The following UBLCP1 variants were observed in gnomAD, a reference collection of about 807,000 sequenced individuals.
The protein encoded by UBLCP1 is ubiquitin like domain containing CTD phosphatase 1.
UBLCP1 carries 28 observed loss-of-function variants against 42.4 expected under a neutral mutation model. That is an observed-to-expected ratio of 0.66 (90% confidence interval 0.49 to 0.90). The LOEUF (loss-of-function observed/expected upper bound fraction) is 0.90. Among genes scored for constraint, UBLCP1 ranks in the 40% least tolerant of loss-of-function variants. The pLI is 0.00. For synonymous variants in UBLCP1, 122 were observed against 120.8 expected (o/e 1.01, Z -0.07); for missense variants, 279 against 374.5 (o/e 0.75, Z 2.10).
intron 7 of UBLCP1, 90 bp downstream of exon 7, chr5:159,274,712 C>A: frequency 8.7e-7 from 1 of 1,154,520 alleles, no homozygotes; most frequent in Non-Finnish European, 1.3e-6. Flanking sequence ...TTTATTCTTA[C>A]TGGAGGGCAC....
intron 8 of UBLCP1, 136 bp from the exon 9 acceptor site, chr5:159,278,102 G>A (rs1471910645): frequency 1.7e-6 from 1 of 604,094 alleles, no homozygotes. Context: ...TGCATTTAAT[G>A]ATTAGCTCAC....
chr5:159,266,462 A>G (rs1753392783), intron 1 of UBLCP1, among the ~76,000 whole-genome samples: 1 of 152,268 alleles, frequency 6.6e-6, no homozygotes, highest in African/African-American at 2.4e-5. Flanking sequence ...TAAGGGAAGC[A>G]GAGCATAGAA....
chr5:159,283,046 A>G (rs934178031), intron 9 of UBLCP1, among the ~76,000 whole-genome samples, 166 bp from the exon 10 acceptor site: 1 of 152,084 alleles, frequency 6.6e-6, no homozygotes, highest in Non-Finnish European at 1.5e-5. Flanking sequence ...TGTAATTTGT[A>G]AACATTATAC....
At chr5:159,267,325 T>C (rs2113309656) in intron 1 of UBLCP1, among the ~76,000 whole-genome samples, 1 of 152,302 alleles carries the variant, frequency 6.6e-6, no homozygotes, top group African/African-American at 2.4e-5. Flanking sequence ...CGGACTTGCA[T>C]GGGCCCTGTA....
In UBLCP1 at chr5:159,268,897, TTCC is replaced by T. The variant is rs754153771; in HGVS notation, c.-16_-14del. 6.3e-7 allele frequency: 1 copy of T among 1,598,438 alleles called. No individual in the cohort carries two copies. Among genetic ancestry groups the T allele is most frequent in the Non-Finnish European group, 8.5e-7 (1 of 1,175,564 alleles). ...ATTTTTTTTTCTGAAGGAAAGCTGC[TTCC>T]TCATATGTTTCAAGAATGGCTCTCC... is the stretch of plus-strand genomic sequence containing the variant. On this transcript the variant is annotated 5_prime_UTR_variant, in exon 2 of 11. Coordinates refer to ENST00000296786, the MANE Select transcript of UBLCP1 (RefSeq NM_145049.5).
intron 8 of UBLCP1, among the ~76,000 whole-genome samples, chr5:159,275,572 G>A (rs1329385530): frequency 1.3e-5 from 2 of 151,802 alleles, no homozygotes; most frequent in Non-Finnish European, 1.5e-5. Flanking sequence ...CACCACGCCC[G>A]GCTAATTTTT....
rs754822044 is a variant in UBLCP1 at position 159,278,328 on chromosome 5, C to T, written c.775C>T (p.Leu259=). ...GTTTGATGACATAGGGAGAAATTTT[C>T]TAATGAACCCACAGAATGGACTAAA... ...IMFDDIGRNF[L]MNPQNGLKIR... The change falls in exon 9 of 11, where the codon CTA becomes TTA. Residue 259 remains leucine, a synonymous_variant. Coordinates refer to ENST00000296786, the MANE Select transcript of UBLCP1 (RefSeq NM_145049.5). The T allele has an allele frequency of 1.2e-6, 2 of 1,612,994 alleles. No individual in the cohort carries two copies. Among genetic ancestry groups the T allele is most frequent in the Admixed American group, 3.3e-5 (2 of 60,000 alleles).
intron 1 of UBLCP1, among the ~76,000 whole-genome samples, chr5:159,267,962 C>G (rs1219588328): frequency 6.6e-5 from 10 of 152,190 alleles, no homozygotes. Flanking sequence ...ATACACTGAT[C>G]TTTGATGCCT....
intron 4 of UBLCP1, 23 bp from the exon 5 acceptor site, chr5:159,270,505 T>C: frequency 6.2e-7 from 1 of 1,605,944 alleles, no homozygotes; most frequent in South Asian, 1.1e-5. Context: ...GAATATTTTA[T>C]CTAATTATAT....
At chr5:159,266,034 T>TAG (rs1288895517) in intron 1 of UBLCP1, among the ~76,000 whole-genome samples, 1 of 152,152 alleles carries the variant, frequency 6.6e-6, no homozygotes, top group African/African-American at 2.4e-5. Context: ...AAATTGGTAC[T>TAG]AGTAGAGTGG....
At chr5:159,271,968 A>G in intron 5 of UBLCP1, 55 bp from the exon 6 acceptor site, 1 of 1,188,046 alleles carries the variant, frequency 8.4e-7, no homozygotes, top group Non-Finnish European at 1.3e-6. Flanking sequence ...AATTGGTATT[A>G]GGTACTTGTT....
chr5:159,263,773 G>C (rs1753333733), intron 1 of UBLCP1, among the ~76,000 whole-genome samples: 3 of 152,210 alleles, frequency 2.0e-5, no homozygotes, highest in Admixed American at 2.0e-4. Context: ...CTGGTGTGCG[G>C]TTCTCGCCGG....
At chr5:159,281,702 G>A (rs1176297027) in intron 9 of UBLCP1, among the ~76,000 whole-genome samples, 1 of 151,860 alleles carries the variant, frequency 6.6e-6, no homozygotes. Flanking sequence ...AATGACAGAA[G>A]AAAAGTATGT....
chr5:159,270,609 G>A lies in UBLCP1; in HGVS notation c.414G>A (p.Lys138=). 1.2e-6 allele frequency: 2 copies of A among 1,608,912 alleles called. No individual in the cohort carries two copies. The highest frequency in any genetic ancestry group is 1.7e-6 in the Non-Finnish European group (2 of 1,178,464). ...EILNPPREGK[K]LLVLDVDYTL... ...TGAATCCTCCCAGGGAAGGGAAAAA[G>A]CTTTTGGTGCTAGATGTTGATTATA... The change falls in exon 5 of 11, where the codon AAG becomes AAA. Residue 138 remains lysine (K), a synonymous_variant. Transcript: ENST00000296786.
At chr5:159,268,750 C>T (rs1753427380) in intron 1 of UBLCP1, 120 bp from the exon 2 acceptor site, 1 of 681,480 alleles carries the variant, frequency 1.5e-6, no homozygotes, top group Admixed American at 4.1e-5. Context: ...CCTGTATGGA[C>T]AAAAATCCTC....
chr5:159,273,608 G>A (rs924720978), intron 6 of UBLCP1, among the ~76,000 whole-genome samples: 1 of 152,130 alleles, frequency 6.6e-6, no homozygotes, highest in Non-Finnish European at 1.5e-5. Context: ...TTTATTAGCT[G>A]TGGGTCTTTT....
At chr5:159,284,395 G>T (rs541641082) in intron 10 of UBLCP1, among the ~76,000 whole-genome samples, 1 of 152,270 alleles carries the variant, frequency 6.6e-6, no homozygotes, top group East Asian at 1.9e-4. Flanking sequence ...AAAAACACTT[G>T]TTTGCTTAGT....
intron 8 of UBLCP1, among the ~76,000 whole-genome samples, chr5:159,275,488 G>T (rs980934791): frequency 1.6e-5 from 2 of 127,200 alleles, no homozygotes; most frequent in Non-Finnish European, 3.1e-5. Flanking sequence ...TCTCGCTCAC[G>T]CAAGCTCCGC....
At chr5:159,283,423 A>T in intron 10 of UBLCP1, 84 bp downstream of exon 10, 1 of 1,119,186 alleles carries the variant, frequency 8.9e-7, no homozygotes, top group Non-Finnish European at 1.2e-6. Flanking sequence ...CAGTATATAT[A>T]TAGCTGTCTT....
Sources: gnomAD v4.1 joint callset for allele counts (sites outside exome capture counted in the v4.1 genomes callset) on GRCh38, gnomAD v4.1.1 for gene constraint, MANE v1.5 for transcripts, NCBI Gene and HGNC (gene_info 2026-07-23, HGNC 2026-07-21) for gene names.